The following NSG1 variants were observed in gnomAD, a reference collection of about 807,000 sequenced individuals.
The protein encoded by NSG1 is neuronal vesicle trafficking-associated protein 1.
In NSG1, 9 loss-of-function variants were observed where a neutral mutation model predicts 19.3. The ratio of observed to expected loss-of-function variants is 0.47; its 90% CI spans 0.28 to 0.81. The LOEUF (loss-of-function observed/expected upper bound fraction) is 0.81, where lower values mean the gene tolerates loss of function less well. NSG1 is among the 40% of genes least tolerant of loss of function. The pLI, the probability that NSG1 is intolerant of heterozygous loss-of-function variation, is 0.11. For missense variants in NSG1, 236 were observed against 242.4 expected, an observed-to-expected ratio of 0.97 and a Z score of 0.18; for synonymous variants, 104 against 107.0, an observed-to-expected ratio of 0.97 and a Z score of 0.17.
upstream of NSG1, chr4:4,387,065 C>G (rs1372854610): frequency 6.6e-6 from 1 of 151,974 alleles, no homozygotes; most frequent in Non-Finnish European, 1.5e-5. Flanking sequence ...CCCAATCGTT[C>G]GCTCCCCTTC....
chr4:4,405,417 G>C (rs769419870), intron 3 of NSG1, among the ~76,000 whole-genome samples: 2 of 152,174 alleles, frequency 1.3e-5, no homozygotes, highest in African/African-American at 4.8e-5. Flanking sequence ...GAGGGGCCCA[G>C]CGTGCTCTCA....
intron 4 of NSG1, among the ~76,000 whole-genome samples, chr4:4,414,913 C>A (rs1214246253): frequency 2.6e-5 from 4 of 151,676 alleles, no homozygotes; most frequent in Non-Finnish European, 5.9e-5. Flanking sequence ...AAAAGGCAGA[C>A]GTGGCCCGAG....
intron 3 of NSG1, among the ~76,000 whole-genome samples, chr4:4,406,109 C>A (rs1270594923): frequency 6.6e-6 from 1 of 152,176 alleles, no homozygotes; most frequent in Non-Finnish European, 1.5e-5. Context: ...CTCACTGCAA[C>A]CTCCACCTCC....
intron 3 of NSG1, among the ~76,000 whole-genome samples, chr4:4,408,833 G>T (rs1465093668): frequency 6.6e-6 from 1 of 152,170 alleles, no homozygotes; most frequent in African/African-American, 2.4e-5. Context: ...CAAGGTCCAG[G>T]TCCAGTGTCA....
chr4:4,410,090 G>GT (rs1294339734), intron 4 of NSG1, among the ~76,000 whole-genome samples: 1 of 152,168 alleles, frequency 6.6e-6, no homozygotes, highest in Non-Finnish European at 1.5e-5. Context: ...TGTACTGGGG[G>GT]AAGCCAAGTC....
At chr4:4,397,006 C>G (rs1204003094) in intron 3 of NSG1, among the ~76,000 whole-genome samples, 1 of 149,196 alleles carries the variant, frequency 6.7e-6, no homozygotes, top group Admixed American at 6.7e-5. Flanking sequence ...GTGGGGGCTT[C>G]GGCTGAATCA....
intron 4 of NSG1, among the ~76,000 whole-genome samples, chr4:4,412,036 A>G (rs899793033): frequency 2.6e-5 from 4 of 152,166 alleles, no homozygotes; most frequent in African/African-American, 7.2e-5. Flanking sequence ...GCACCTCCGC[A>G]AAGTGAGGAG....
intron 4 of NSG1, among the ~76,000 whole-genome samples, chr4:4,416,831 G>A (rs893102087): frequency 1.3e-5 from 2 of 152,188 alleles, no homozygotes; most frequent in Admixed American, 6.5e-5. Context: ...AAGGTCTGCT[G>A]AGAACCTAGC....
intron 4 of NSG1, among the ~76,000 whole-genome samples, chr4:4,412,012 G>T (rs1435559964): frequency 1.3e-5 from 2 of 152,230 alleles, no homozygotes; most frequent in African/African-American, 2.4e-5. Flanking sequence ...AGTGCAGGGG[G>T]TGTGTGTATA....
intron 1 of NSG1, 43 bp from the exon 2 acceptor site, chr4:4,387,561 C>CCGGGGGTGGGG: frequency 1.8e-6 from 2 of 1,141,988 alleles, no homozygotes; most frequent in East Asian, 2.7e-5. Flanking sequence ...CGCCCCGCCC[C>CCGGGGGTGGGG]GGGTCTTGCT....
chr4:4,416,653 T>C (rs1305612030), intron 4 of NSG1, among the ~76,000 whole-genome samples: 1 of 152,120 alleles, frequency 6.6e-6, no homozygotes, highest in Non-Finnish European at 1.5e-5. Context: ...AAGTGCTGTC[T>C]CGCACTCCCC....
intron 2 of NSG1, 40 bp downstream of exon 2, chr4:4,387,798 C>T (rs1722810794): frequency 6.6e-7 from 1 of 1,521,982 alleles, no homozygotes; most frequent in African/African-American, 1.4e-5. Context: ...CGGGTGTGCA[C>T]CCCCAAATCT....
chr4:4,409,172 G>A (rs377488566), intron 3 of NSG1, among the ~76,000 whole-genome samples: 8 of 152,318 alleles, frequency 5.3e-5, no homozygotes, highest in South Asian at 4.1e-4. Flanking sequence ...TTTGCTGAGC[G>A]GATGCTTGGC....
chr4:4,388,028 G>C (rs920682112), intron 2 of NSG1, among the ~76,000 whole-genome samples: 2 of 102,336 alleles, frequency 2.0e-5, no homozygotes, highest in African/African-American at 3.0e-5. Flanking sequence ...TTTCCTGGGA[G>C]CCTCATCCGA....
intron 3 of NSG1, among the ~76,000 whole-genome samples, chr4:4,392,727 T>C (rs1248205070): frequency 6.6e-6 from 1 of 152,204 alleles, no homozygotes; most frequent in East Asian, 1.9e-4. Context: ...AGTGTTGCTG[T>C]GGGGCAATTA....
intron 4 of NSG1, among the ~76,000 whole-genome samples, chr4:4,411,092 G>A (rs1724154132): frequency 1.3e-5 from 2 of 152,110 alleles, no homozygotes; most frequent in Admixed American, 1.3e-4. Context: ...CTGACCTCAG[G>A]TGATCCACCC....
At chr4:4,402,179 C>T (rs2108739757) in intron 3 of NSG1, among the ~76,000 whole-genome samples, 1 of 149,980 alleles carries the variant, frequency 6.7e-6, no homozygotes, top group African/African-American at 2.4e-5. Flanking sequence ...TGAGCCACAG[C>T]ACCCAGCCTG....
At chr4:4,394,793 C>T (rs1194239107) in intron 3 of NSG1, among the ~76,000 whole-genome samples, 5 of 152,284 alleles carry the variant, frequency 3.3e-5, no homozygotes, top group Middle Eastern at 3.4e-3. Flanking sequence ...GGGTACTTGG[C>T]GAGATTTCCT....
Position 4,418,308 on chromosome 4 carries a change from T to TAAAG in NSG1, c.*877_*880dup, listed in dbSNP as rs1025881965. The TAAAG allele has an allele frequency of 7.2e-5, 11 of 152,088 alleles. No homozygotes were observed. The highest frequency in any genetic ancestry group is 4.6e-4 in the Admixed American group (7 of 15,234). 9.4% of individuals were successfully genotyped at this position (152,088 alleles called of 1,614,324 possible). ...TTGCACCAATAGCCCCATTAGTTTT[T>TAAAG]AAAGAAATGAGCTGGGTGGGAAAAG... is the stretch of plus-strand genomic sequence containing the variant. On this transcript the variant is annotated 3_prime_UTR_variant, in exon 5 of 5. Transcript: ENST00000621129.
Sources: gnomAD v4.1 joint callset for allele counts (sites outside exome capture counted in the v4.1 genomes callset) on GRCh38, gnomAD v4.1.1 for gene constraint, MANE v1.5 for transcripts, NCBI Gene and HGNC (gene_info 2026-07-23, HGNC 2026-07-21) for gene names.